The following LHFPL3 variants were observed in gnomAD, a reference collection of about 807,000 sequenced individuals.
The protein encoded by LHFPL3 is LHFPL tetraspan subfamily member 3, also known as LHFPL tetraspan subfamily member 3 protein.
LHFPL3 carries 5 observed loss-of-function variants against 19.3 expected under a neutral mutation model. That is an observed-to-expected ratio of 0.26 (90% CI 0.14 to 0.54). The LOEUF (loss-of-function observed/expected upper bound fraction) is 0.54, where lower values mean the gene tolerates loss of function less well. LHFPL3 is among the 20% of genes least tolerant of loss of function. The pLI is 0.94. For missense variants in LHFPL3, 249 were observed against 307.4 expected, an observed-to-expected ratio of 0.81 and a Z score of 1.42; for synonymous variants, 133 against 126.2, an observed-to-expected ratio of 1.05 and a Z score of -0.36.
intron 1 of LHFPL3, among the ~76,000 whole-genome samples, chr7:104,538,305 G>A (rs1474710296): frequency 1.3e-5 from 2 of 152,180 alleles, no homozygotes; most frequent in South Asian, 2.1e-4. Flanking sequence ...GTCCCGAGGT[G>A]CTAAAAATAC....
At chr7:104,424,224 C>A (rs1054258609) in intron 1 of LHFPL3, among the ~76,000 whole-genome samples, 8 of 152,156 alleles carry the variant, frequency 5.3e-5, no homozygotes, top group Non-Finnish European at 1.2e-4. Context: ...AATTGGTTTT[C>A]TGATTGACTT....
intron 1 of LHFPL3, among the ~76,000 whole-genome samples, chr7:104,622,008 C>T (rs1791454868): frequency 6.6e-6 from 1 of 152,206 alleles, no homozygotes; most frequent in Admixed American, 6.5e-5. Context: ...TTAAATACCC[C>T]TGATTTCTAC....
chr7:104,732,283 A>C (rs902765652), intron 1 of LHFPL3, among the ~76,000 whole-genome samples: 1 of 152,188 alleles, frequency 6.6e-6, no homozygotes, highest in African/African-American at 2.4e-5. Context: ...TGATTGGAAT[A>C]GTTTCGGAAG....
At chr7:104,699,526 T>G (rs955883950) in intron 1 of LHFPL3, among the ~76,000 whole-genome samples, 4 of 152,132 alleles carry the variant, frequency 2.6e-5, no homozygotes, top group Admixed American at 2.0e-4. Flanking sequence ...AAATGATGGT[T>G]GCCAAGGGTT....
At chr7:104,580,791 A>G (rs1296634989) in intron 1 of LHFPL3, among the ~76,000 whole-genome samples, 1 of 151,998 alleles carries the variant, frequency 6.6e-6, no homozygotes, top group Non-Finnish European at 1.5e-5. Context: ...TATACATTGA[A>G]TATTACTCTT....
chr7:104,868,668 T>A (rs1203408467), intron 2 of LHFPL3, among the ~76,000 whole-genome samples: 2 of 152,114 alleles, frequency 1.3e-5, no homozygotes, highest in Non-Finnish European at 2.9e-5. Context: ...ATTTATAGAT[T>A]CAGTGCCATC....
intron 1 of LHFPL3, among the ~76,000 whole-genome samples, chr7:104,678,259 G>A (rs537173629): frequency 3.9e-5 from 6 of 152,208 alleles, no homozygotes; most frequent in Middle Eastern, 3.4e-3. Context: ...TCTGAGCCCT[G>A]GTAAAGAGAG....
intron 1 of LHFPL3, among the ~76,000 whole-genome samples, chr7:104,446,875 C>A (rs10278196): frequency 0.25 from 37,295 of 152,078 alleles, 5,501 homozygotes; most frequent in African/African-American, 0.42. Context: ...GGCACTTATC[C>A]CATCTAGATC....
At chr7:104,802,843 A>T (rs1409025241) in intron 2 of LHFPL3, 1 of 152,162 alleles carries the variant, frequency 6.6e-6, no homozygotes, top group Non-Finnish European at 1.5e-5. Context: ...TCTTACCTGG[A>T]GGTTATAAGC....
chr7:104,813,898 T>C (rs1409838920), intron 2 of LHFPL3, among the ~76,000 whole-genome samples: 2 of 152,186 alleles, frequency 1.3e-5, no homozygotes, highest in Admixed American at 1.3e-4. Context: ...GGACCACAGC[T>C]CTTCTTTCCT....
Position 104,391,728 on chromosome 7 carries a change from A to T in LHFPL3, c.445+62504A>T, listed in dbSNP as rs549051357. 5.9e-5 allele frequency among the ~76,000 whole-genome samples: 9 copies of T among 152,258 alleles called. No individual in the cohort carries two copies. In the South Asian group the frequency reaches 1.7e-3, roughly 28 times the overall value. Reference sequence around the variant, plus strand: ...TTTTTCCAATTCTGTGAAGAAAGTCATTGGTAGCTTGATGGGGATGGCACT... The same window carrying T: ...TTTTTCCAATTCTGTGAAGAAAGTCTTTGGTAGCTTGATGGGGATGGCACT... On this transcript the variant is annotated intron_variant, in intron 1 of 2. Transcript: ENST00000424859.
At chr7:104,550,767 A>G (rs1468974810) in intron 1 of LHFPL3, among the ~76,000 whole-genome samples, 1 of 152,180 alleles carries the variant, frequency 6.6e-6, no homozygotes, top group Non-Finnish European at 1.5e-5. Context: ...TAGAGAAAAT[A>G]TAGACTAGGG....
intron 1 of LHFPL3, among the ~76,000 whole-genome samples, chr7:104,732,636 T>C (rs1793727176): frequency 1.3e-5 from 2 of 152,202 alleles, no homozygotes; most frequent in Non-Finnish European, 1.5e-5. Flanking sequence ...TTAGTCTTGT[T>C]AGTGGTCTAT....
chr7:104,412,451 T>C (rs1244124400), intron 1 of LHFPL3, among the ~76,000 whole-genome samples: 2 of 152,094 alleles, frequency 1.3e-5, no homozygotes, highest in African/African-American at 2.4e-5. Context: ...TTGTTCATAG[T>C]TATTAAAAAT....
intron 1 of LHFPL3, among the ~76,000 whole-genome samples, chr7:104,633,327 A>C (rs919144319): frequency 6.6e-6 from 1 of 152,212 alleles, no homozygotes; most frequent in Non-Finnish European, 1.5e-5. Context: ...TTTCTAGGGA[A>C]AGAATATTAA....
At chr7:104,851,847 G>A (rs1212159360) in intron 2 of LHFPL3, among the ~76,000 whole-genome samples, 1 of 152,100 alleles carries the variant, frequency 6.6e-6, no homozygotes, top group Non-Finnish European at 1.5e-5. Context: ...CACCAGCACT[G>A]CAAAGATACC....
intron 2 of LHFPL3, among the ~76,000 whole-genome samples, chr7:104,798,697 C>A (rs984279099): frequency 2.1e-5 from 3 of 140,054 alleles, no homozygotes; most frequent in Non-Finnish European, 3.3e-5. Flanking sequence ...GAAAGTCTCA[C>A]GATTTTTTTT....
At chr7:104,693,674 T>C (rs988937505) in intron 1 of LHFPL3, among the ~76,000 whole-genome samples, 1 of 151,600 alleles carries the variant, frequency 6.6e-6, no homozygotes, top group African/African-American at 2.4e-5. Flanking sequence ...GAACTGTGAG[T>C]CAATTAAACC....
chr7:104,541,820 G>A (rs768424012), intron 1 of LHFPL3, among the ~76,000 whole-genome samples: 6 of 151,952 alleles, frequency 3.9e-5, no homozygotes, highest in Non-Finnish European at 8.8e-5. Context: ...TGAAACCCTA[G>A]GAATTAATGG....
Sources: allele counts gnomAD v4.1 joint callset (sites outside exome capture counted in the v4.1 genomes callset), GRCh38; gene constraint gnomAD v4.1.1; transcripts MANE v1.5; gene names NCBI Gene and HGNC (gene_info 2026-07-23, HGNC 2026-07-21).